Variants in ERRFI1 observed in about 807,000 individuals in gnomAD.
The protein encoded by ERRFI1 is mitogen-inducible gene 6 protein.
Under a neutral mutation model 14.6 loss-of-function variants are expected in ERRFI1, and 12 were observed. The ratio of observed to expected loss-of-function variants is 0.82; its 90% CI spans 0.53 to 1.33. The LOEUF is 1.33. ERRFI1 is among the 40% of genes most tolerant of loss of function. The probability of loss-of-function intolerance (pLI) is 0.00; values close to 1 mark genes in which losing one functional copy is unlikely to be tolerated. For synonymous variants in ERRFI1, 202 were observed against 209.9 expected (o/e 0.96, Z 0.32); for missense variants, 482 against 572.1 (o/e 0.84, Z 1.61).
At position 8,011,890 on chromosome 1, in the gene ERRFI1, T is replaced by C. The variant is rs1641089423; in HGVS notation, c.*1320A>G. ...TCATTTAGTTCATACTAAAATATAATAAGCTTTAAATAGCTCAAATAATAT... is the reference window on the plus strand; with the variant it reads ...TCATTTAGTTCATACTAAAATATAACAAGCTTTAAATAGCTCAAATAATAT... On this transcript the variant is annotated 3_prime_UTR_variant, in exon 4 of 4. Coordinates refer to ENST00000377482, the MANE Select transcript of ERRFI1 (RefSeq NM_018948.4). The C allele has an allele frequency of 4.5e-6, 1 of 224,574 alleles. No individual in the cohort carries two copies. The highest frequency in any genetic ancestry group is 8.9e-6 in the Non-Finnish European group (1 of 112,380). 13.9% of individuals were successfully genotyped at this position (224,574 alleles called of 1,614,324 possible). A position where few individuals can be genotyped will look rare whatever the true frequency, so the allele number is the denominator to read the frequency against.
chr1:8,013,556 G>T lies in ERRFI1; in HGVS notation c.1043C>A (p.Pro348Gln). Residue 348 changes from proline to glutamine, a missense_variant, in exon 4 of 4, where the codon CCG becomes CAG. By Grantham distance (76) the Pro-to-Gln change is moderately conservative (BLOSUM62 -1). Coordinates refer to ENST00000377482, the MANE Select transcript of ERRFI1 (RefSeq NM_018948.4). This position sits in a 1 kb window ranked among gnomAD's most constrained non-coding sequence, Gnocchi z 4.3. ...LPSYLNGVMPPTQSFAPDPKY... is the reference protein window; with the variant it reads ...LPSYLNGVMPQTQSFAPDPKY... ...GGGATCAGGGGCAAAGCTCTGTGTC[G>T]GGGGCATGACCCCATTGAGGTAAGA... 1 of 1,614,018 alleles carries T rather than the reference G, an allele frequency of 6.2e-7. No individual in the cohort carries two copies. Among genetic ancestry groups the T allele is most frequent in the South Asian group, 1.1e-5 (1 of 91,062 alleles).
chr1:8,015,825 C>A, intron 1 of ERRFI1, 133 bp from the exon 2 acceptor site: 1 of 583,070 alleles, frequency 1.7e-6, no homozygotes, highest in Non-Finnish European at 2.9e-6. Flanking sequence ...TAGACTTTCA[C>A]TTAATTCTCA....
chr1:8,014,434 T>C, intron 3 of ERRFI1, 38 bp from the exon 4 acceptor site: 2 of 1,517,382 alleles, frequency 1.3e-6, no homozygotes, highest in Non-Finnish European at 1.8e-6. Flanking sequence ...AGATCAACAA[T>C]CCTCTCTCCA....
chr1:8,016,913 G>T (rs920630711), intron 1 of ERRFI1, among the ~76,000 whole-genome samples: 38 of 138,214 alleles, frequency 2.7e-4, no homozygotes, highest in East Asian at 2.7e-3. Context: ...TTTTTTTTTT[G>T]TTTTTTTTTT....
chr1:8,014,144 G>C lies in ERRFI1; in HGVS notation c.455C>G (p.Pro152Arg), dbSNP rs2124061107. 1 of 1,614,170 alleles carries C rather than the reference G, an allele frequency of 6.2e-7. No homozygotes were observed. Among genetic ancestry groups the C allele is most frequent in the South Asian group, 1.1e-5 (1 of 91,082 alleles). Reference sequence around the variant, plus strand: ...TTCAGAGATTGGCAACGGTGGAAGAGGCCTAGAACCCCGTTCACAAAGAGG... The same window carrying C: ...TTCAGAGATTGGCAACGGTGGAAGACGCCTAGAACCCCGTTCACAAAGAGG... ...CAPLCERGSR[P>R]LPPLPISEAL... The change falls in exon 4 of 4, where the codon CCT becomes CGT. Residue 152 changes from proline to arginine, a missense_variant. Pro to Arg is a moderately radical substitution (Grantham distance 103, BLOSUM62 -2). Transcript: ENST00000377482.
chr1:8,024,710 AT>A (rs1356729834), intron 1 of ERRFI1, among the ~76,000 whole-genome samples: 9 of 152,282 alleles, frequency 5.9e-5, no homozygotes, highest in African/African-American at 2.2e-4. Context: ...ATCCTTTGTT[AT>A]TTTTCTTCAA....
intron 1 of ERRFI1, among the ~76,000 whole-genome samples, chr1:8,025,245 C>A (rs142107224): frequency 1.2e-4 from 18 of 152,284 alleles, no homozygotes; most frequent in African/African-American, 4.3e-4. Flanking sequence ...ATGATGAAAT[C>A]CTAATAAAGA....
intron 3 of ERRFI1, 50 bp from the exon 4 acceptor site, chr1:8,014,446 C>T (rs1339435199): frequency 6.7e-7 from 1 of 1,498,356 alleles, no homozygotes; most frequent in Non-Finnish European, 8.9e-7. Context: ...CTCTCTCCAC[C>T]TGTGTGAGGG....
rs1284197566 is a variant in ERRFI1 at position 8,011,986 on chromosome 1, G to A, written c.*1224C>T. On this transcript the variant is annotated 3_prime_UTR_variant, in exon 4 of 4. Transcript: ENST00000377482. ...ATTGCAGTAATGTACCTCTGTTAGT[G>A]AGCACCTTCTCTTCTGTGCTTATCT... is the stretch of plus-strand genomic sequence containing the variant. The A allele has an allele frequency of 1.3e-5, 3 of 228,930 alleles. No individual in the cohort carries two copies. Among genetic ancestry groups the A allele is most frequent in the African/African-American group, 6.7e-5 (3 of 45,068 alleles). 14.2% of individuals were successfully genotyped at this position (228,930 alleles called of 1,614,324 possible). A position where few individuals can be genotyped will look rare whatever the true frequency, so the allele number is the denominator to read the frequency against.
intron 1 of ERRFI1, among the ~76,000 whole-genome samples, chr1:8,025,644 A>G (rs1339522561): frequency 6.6e-6 from 1 of 151,968 alleles, no homozygotes; most frequent in Non-Finnish European, 1.5e-5. Flanking sequence ...AAGACAACGC[A>G]ACCCCCTTTT....
At chr1:8,017,651 A>C (rs889738322) in intron 1 of ERRFI1, among the ~76,000 whole-genome samples, 1 of 152,344 alleles carries the variant, frequency 6.6e-6, no homozygotes, top group African/African-American at 2.4e-5. Flanking sequence ...GGTAATATAA[A>C]AATGAAAGGC....
At chr1:8,022,187 T>G (rs910699423) in intron 1 of ERRFI1, among the ~76,000 whole-genome samples, 1 of 152,178 alleles carries the variant, frequency 6.6e-6, no homozygotes, top group African/African-American at 2.4e-5. Context: ...AAGCCCTCAG[T>G]CTTTAACGAT....
At chr1:8,021,614 G>T (rs529732673) in intron 1 of ERRFI1, among the ~76,000 whole-genome samples, 55 of 152,230 alleles carry the variant, frequency 3.6e-4, no homozygotes, top group African/African-American at 1.3e-3. Flanking sequence ...TAAGTTACCC[G>T]ATGGGTAACT....
At position 8,013,385 on chromosome 1, in the gene ERRFI1, TC is replaced by T. The variant is rs1235483798; in HGVS notation, c.1213del (p.Asp405ThrfsTer47). The T allele has an allele frequency of 6.2e-7, 1 of 1,614,214 alleles. No individual in the cohort carries two copies. The highest frequency in any genetic ancestry group is 8.5e-7 in the Non-Finnish European group (1 of 1,180,046). ...YLLPERPPYL[D>X]KYEKFFREAE... ...TTCCCTAAAAAATTTTTCATATTTG[TC>T]CAGGTATGGTGGTCGTTCAGGTAGT... On this transcript the variant is annotated frameshift_variant, in exon 4 of 4. Coordinates refer to ENST00000377482, the MANE Select transcript of ERRFI1 (RefSeq NM_018948.4). LOFTEE classifies it low-confidence loss of function (END_TRUNC). This position sits in a 1 kb window ranked among gnomAD's most constrained non-coding sequence, Gnocchi z 4.3.
Position 8,012,525 on chromosome 1 carries a change from C to A in ERRFI1, c.*685G>T, listed in dbSNP as rs1569577126. 2 of 226,120 alleles carry A rather than the reference C, an allele frequency of 8.8e-6. No homozygotes were observed. Among genetic ancestry groups the A allele is most frequent in the East Asian group, 1.3e-4 (2 of 15,824 alleles). The allele number at this position is 226,120 out of a possible 1,614,324, so 14.0% of individuals were successfully genotyped here. A position where few individuals can be genotyped will look rare whatever the true frequency, so the allele number is the denominator to read the frequency against. ...TATTTTTCAAGATGTGTGACAGGTA[C>A]AGGTGACAATATGGTTGCCAAGTAA... On this transcript the variant is annotated 3_prime_UTR_variant, in exon 4 of 4. Coordinates refer to ENST00000377482, the MANE Select transcript of ERRFI1 (RefSeq NM_018948.4).
rs536846239 is a variant in ERRFI1, at chr1:8,018,903, G to A, written c.-73-3211C>T. Among the ~76,000 whole-genome samples, 4 of 152,196 alleles carry A rather than the reference G, an allele frequency of 2.6e-5. No individual in the cohort carries two copies. In the South Asian group the frequency reaches 8.3e-4, roughly 32 times the overall value. ...AAGCTTCAACTTTGCATTTCCTATT[G>A]TCTGGTGATTATCTTTCCACTTGGA... is the stretch of plus-strand genomic sequence containing the variant. On this transcript the variant is annotated intron_variant, in intron 1 of 3. Coordinates refer to ENST00000377482, the MANE Select transcript of ERRFI1 (RefSeq NM_018948.4).
chr1:8,022,426 G>A (rs1054781524), intron 1 of ERRFI1, among the ~76,000 whole-genome samples: 7 of 152,154 alleles, frequency 4.6e-5, no homozygotes, highest in Non-Finnish European at 7.3e-5. Context: ...AAGTTACAAA[G>A]CACCTTCTTA....
chr1:8,019,217 T>A (rs192741473), intron 1 of ERRFI1, among the ~76,000 whole-genome samples: 18 of 152,322 alleles, frequency 1.2e-4, no homozygotes, highest in Admixed American at 1.2e-3. Flanking sequence ...CAGCTCAAGC[T>A]AAGATTTGCT....
rs1641131655 is a variant in ERRFI1 at position 8,013,946 on chromosome 1, G to C, written c.653C>G (p.Ser218Cys). The C allele has an allele frequency of 1.2e-6, 2 of 1,614,190 alleles. No individual in the cohort carries two copies. The highest frequency in any genetic ancestry group is 2.2e-5 in the South Asian group (2 of 91,080). ...NYAYFDTPAV[S>C]AADLSYVSDQ... Reference sequence around the variant, plus strand: ...AGACACATAGCTGAGATCTGCTGCAGAAACAGCTGGGGTATCAAAATATGC... The same window carrying C: ...AGACACATAGCTGAGATCTGCTGCACAAACAGCTGGGGTATCAAAATATGC... The change falls in exon 4 of 4, where the codon TCT becomes TGT. Residue 218 changes from serine (S) to cysteine (C), a missense_variant. Physicochemically the swap from Ser to Cys is moderately radical, Grantham distance 112. Coordinates refer to ENST00000377482, the MANE Select transcript of ERRFI1 (RefSeq NM_018948.4). This position sits in a 1 kb window ranked among gnomAD's most constrained non-coding sequence, Gnocchi z 4.3.
Sources: allele counts gnomAD v4.1 joint callset (sites outside exome capture counted in the v4.1 genomes callset), GRCh38; gene constraint gnomAD v4.1.1; non-coding constraint Gnocchi (gnomAD v3.1); transcripts MANE v1.5; gene names NCBI Gene and HGNC (gene_info 2026-07-23, HGNC 2026-07-21).